The following PTPRG variants were observed in gnomAD, a reference collection of about 807,000 sequenced individuals.
PTPRG encodes protein tyrosine phosphatase receptor type G.
A neutral mutation model predicts 165.3 loss-of-function variants in PTPRG; 102 were observed. That is an observed-to-expected ratio of 0.62 (90% confidence interval 0.53 to 0.73). PTPRG has a LOEUF of 0.73. PTPRG is among the 30% of genes least tolerant of loss of function. The pLI is 0.00. For missense variants in PTPRG, 1,866 were observed against 1,861.4 expected, an observed-to-expected ratio of 1.00 and a Z score of -0.05; for synonymous variants, 675 against 669.5, an observed-to-expected ratio of 1.01 and a Z score of -0.13.
chr3:61,785,800 T>C (rs1416765101), intron 2 of PTPRG, among the ~76,000 whole-genome samples: 1 of 152,142 alleles, frequency 6.6e-6, no homozygotes, highest in African/African-American at 2.4e-5. Flanking sequence ...GGGTTGAACA[T>C]ATAGGTAGGG....
At chr3:62,286,843 T>C (rs1431584698) in intron 28 of PTPRG, among the ~76,000 whole-genome samples, 1 of 152,232 alleles carries the variant, frequency 6.6e-6, no homozygotes, top group Non-Finnish European at 1.5e-5. Context: ...TCCATGAAAC[T>C]CGATGAGCAT....
intron 17 of PTPRG, among the ~76,000 whole-genome samples, chr3:62,264,827 T>C (rs975600873): frequency 6.6e-6 from 1 of 152,164 alleles, no homozygotes; most frequent in Admixed American, 6.6e-5. Context: ...ATTTGCTAGA[T>C]TATATGGTAA....
intron 4 of PTPRG, among the ~76,000 whole-genome samples, chr3:62,072,608 T>C (rs1250117941): frequency 7.1e-6 from 1 of 141,098 alleles, no homozygotes; most frequent in Non-Finnish European, 1.5e-5. Context: ...TGAGAATATA[T>C]ATGTGTATGT....
At chr3:61,848,980 C>T (rs140369937) in intron 2 of PTPRG, among the ~76,000 whole-genome samples, 7 of 152,302 alleles carry the variant, frequency 4.6e-5, no homozygotes, top group East Asian at 1.9e-4. Flanking sequence ...AGTTCCTTCC[C>T]GGAGTGTTTG....
intron 1 of PTPRG, among the ~76,000 whole-genome samples, chr3:61,727,861 G>A (rs965782186): frequency 5.9e-5 from 9 of 152,184 alleles, no homozygotes; most frequent in Non-Finnish European, 1.2e-4. Flanking sequence ...AGCAGTTTGC[G>A]AAGCTTCTTG....
At chr3:61,897,982 T>G (rs2038405078) in intron 2 of PTPRG, among the ~76,000 whole-genome samples, 2 of 152,198 alleles carry the variant, frequency 1.3e-5, no homozygotes, top group South Asian at 4.1e-4. Context: ...TAGACAAGCC[T>G]GTCATCTGCA....
intron 2 of PTPRG, among the ~76,000 whole-genome samples, chr3:61,820,595 G>C (rs2035921011): frequency 8.2e-6 from 1 of 122,662 alleles, no homozygotes; most frequent in African/African-American, 3.5e-5. Flanking sequence ...TCTTGTTCCT[G>C]TGTCTCTGTT....
At chr3:61,668,417 A>C (rs1195415540) in intron 1 of PTPRG, among the ~76,000 whole-genome samples, 1 of 152,202 alleles carries the variant, frequency 6.6e-6, no homozygotes, top group Non-Finnish European at 1.5e-5. Context: ...ACTCTGCAAA[A>C]TTTGAAAATA....
chr3:61,859,353 A>G (rs973362129), intron 2 of PTPRG, among the ~76,000 whole-genome samples: 2 of 152,268 alleles, frequency 1.3e-5, no homozygotes, highest in Middle Eastern at 3.4e-3. Flanking sequence ...TAAATAGTTA[A>G]TGTCACGGTG....
At chr3:61,729,776 G>A (rs1239485641) in intron 1 of PTPRG, among the ~76,000 whole-genome samples, 1 of 151,960 alleles carries the variant, frequency 6.6e-6, no homozygotes, top group African/African-American at 2.4e-5. Context: ...TTATTTTCTT[G>A]TTTATGCTTT....
chr3:62,281,245 C>T (rs756620441), intron 26 of PTPRG, among the ~76,000 whole-genome samples: 1 of 151,986 alleles, frequency 6.6e-6, no homozygotes, highest in African/African-American at 2.4e-5. Flanking sequence ...AATTAACTGA[C>T]CTAGATCCTG....
intron 2 of PTPRG, among the ~76,000 whole-genome samples, chr3:61,878,480 T>C (rs956805182): frequency 3.9e-5 from 6 of 152,084 alleles, no homozygotes; most frequent in Non-Finnish European, 7.4e-5. Flanking sequence ...CTCCCCAGGT[T>C]GTTTTTGGTT....
intron 2 of PTPRG, among the ~76,000 whole-genome samples, chr3:61,880,971 A>T (rs1414131367): frequency 3.3e-4 from 50 of 150,416 alleles, no homozygotes; most frequent in Admixed American, 9.2e-4. Flanking sequence ...TTTAATTTTA[A>T]ATTTTGTTAT....
rs146567791 is a variant in PTPRG at position 61,580,444 on chromosome 3, G to A, written c.85+18072G>A. 4.5e-3 allele frequency among the ~76,000 whole-genome samples: 670 copies of A among 148,334 alleles called. 5 individuals are homozygous for A. The highest frequency in any genetic ancestry group is 0.016 in the African/African-American group (620 of 39,912). On this transcript the variant is annotated intron_variant, in intron 1 of 29. Transcript: ENST00000474889. ...TCTCCAGGCTGGAATGTAGTGGCGT[G>A]ATCTCAGCTCACTGCAACCTCTGCC...
At chr3:61,662,728 G>A (rs767129112) in intron 1 of PTPRG, among the ~76,000 whole-genome samples, 2 of 152,190 alleles carry the variant, frequency 1.3e-5, no homozygotes, top group Non-Finnish European at 2.9e-5. Context: ...ACTAGGTAAG[G>A]CCTTTCTAGG....
At chr3:61,621,304 C>G (rs1701452169) in intron 1 of PTPRG, among the ~76,000 whole-genome samples, 2 of 151,962 alleles carry the variant, frequency 1.3e-5, no homozygotes, top group Non-Finnish European at 2.9e-5. Flanking sequence ...GTTGGGCCGT[C>G]CTTCCTTCCA....
intron 20 of PTPRG, 104 bp downstream of exon 20, chr3:62,269,273 A>C: frequency 2.4e-6 from 3 of 1,237,774 alleles, no homozygotes; most frequent in Non-Finnish European, 3.3e-6. Flanking sequence ...TGGTTTTTAA[A>C]AAGTATTTTT....
In PTPRG at chr3:62,197,301, A is replaced by G. The variant is rs894254477; in HGVS notation, c.1327+2131A>G. ...TATAAATCCCCCCCTTAGTATTAGT[A>G]TATAAAAATAATAAATAATAAACCT... On this transcript the variant is annotated intron_variant, in intron 10 of 29. Transcript: ENST00000474889. 5.3e-5 allele frequency among the ~76,000 whole-genome samples: 8 copies of G among 152,152 alleles called. No individual in the cohort carries two copies. In the East Asian group the frequency reaches 1.2e-3, roughly 22 times the overall value.
chr3:62,284,047 C>A (rs1702548581), intron 28 of PTPRG, among the ~76,000 whole-genome samples: 2 of 152,052 alleles, frequency 1.3e-5, no homozygotes, highest in African/African-American at 4.8e-5. Context: ...TATACAGTTA[C>A]AGCATAAAGT....
Sources: allele counts gnomAD v4.1 joint callset (sites outside exome capture counted in the v4.1 genomes callset), GRCh38; gene constraint gnomAD v4.1.1; transcripts MANE v1.5; gene names NCBI Gene and HGNC (gene_info 2026-07-23, HGNC 2026-07-21).